The following ITPR2 variants were observed in gnomAD, a reference collection of about 807,000 sequenced individuals.
ITPR2 encodes inositol 1,4,5-trisphosphate receptor type 2.
A neutral mutation model predicts 317.1 loss-of-function variants in ITPR2; 207 were observed. That is an observed-to-expected ratio of 0.65 (90% CI 0.58 to 0.73). The LOEUF (loss-of-function observed/expected upper bound fraction) is 0.73. ITPR2 is among the 30% of genes least tolerant of loss of function. The pLI, the probability that ITPR2 is intolerant of heterozygous loss-of-function variation, is 0.00. For missense variants in ITPR2, 2,613 were observed against 3,284.0 expected (o/e 0.80, Z 4.99); for synonymous variants, 1,156 against 1,149.1 (o/e 1.01, Z -0.12).
Position 26,665,894 on chromosome 12 carries a change from A to T in ITPR2, c.1551+16T>A. On this transcript the variant is annotated intron_variant, in intron 14 of 56. Transcript: ENST00000381340. ...AGAAAATAAAATATACAAATTTAGT[A>T]CATGAAAAAATTCACCTGTGCCAGT... 1 of 1,600,454 alleles carries T rather than the reference A, an allele frequency of 6.2e-7. No homozygotes were observed. Among genetic ancestry groups the T allele is most frequent in the African/African-American group, 1.4e-5 (1 of 74,066 alleles).
At chr12:26,351,346 TTGA>T (rs1453691338) in intron 55 of ITPR2, among the ~76,000 whole-genome samples, 1 of 152,196 alleles carries the variant, frequency 6.6e-6, no homozygotes, top group African/African-American at 2.4e-5. Flanking sequence ...GGAGATGCAT[TTGA>T]TGATGAAATG....
chr12:26,360,912 G>A (rs1428184776), intron 55 of ITPR2, among the ~76,000 whole-genome samples: 1 of 151,554 alleles, frequency 6.6e-6, no homozygotes, highest in Non-Finnish European at 1.5e-5. Flanking sequence ...TACTTATTGA[G>A]AACTAACAAC....
intron 45 of ITPR2, 24 bp from the exon 46 acceptor site, chr12:26,443,674 T>C (rs1185334037): frequency 1.3e-6 from 2 of 1,587,284 alleles, no homozygotes; most frequent in Admixed American, 1.7e-5. Flanking sequence ...AAAATAAAGG[T>C]TTTAGGTCTT....
chr12:26,669,161 T>C (rs1034805842), intron 13 of ITPR2, among the ~76,000 whole-genome samples: 1 of 151,428 alleles, frequency 6.6e-6, no homozygotes, highest in African/African-American at 2.4e-5. Context: ...TAAATAAAAA[T>C]TTAACTGAAG....
chr12:26,611,127 C>T (rs536389597), intron 26 of ITPR2, among the ~76,000 whole-genome samples: 1 of 152,212 alleles, frequency 6.6e-6, no homozygotes, highest in Non-Finnish European at 1.5e-5. Context: ...CTTTCGAACA[C>T]TAGCCCATGG....
chr12:26,402,306 A>T (rs1418769477), intron 52 of ITPR2, among the ~76,000 whole-genome samples: 2 of 152,224 alleles, frequency 1.3e-5, no homozygotes, highest in Non-Finnish European at 2.9e-5. Flanking sequence ...CTTTGCCACA[A>T]CTGGACTTCC....
rs1484414632 is a variant in ITPR2, at chr12:26,550,227, A to G, written c.5073+20T>C. ...AAATCCTACTTTATTTTTAAATAAT[A>G]AAGTTTTTTAAAAAAATACCTCTTC... is the stretch of plus-strand genomic sequence containing the variant. On this transcript the variant is annotated intron_variant, in intron 37 of 56. Transcript: ENST00000381340. 2.0e-6 allele frequency: 2 copies of G among 1,019,116 alleles called. No homozygotes were observed. Among genetic ancestry groups the G allele is most frequent in the East Asian group, 5.1e-5 (2 of 38,948 alleles). The allele number at this position is 1,019,116 out of a possible 1,614,324, so 63.1% of individuals were successfully genotyped here. A position where few individuals can be genotyped will look rare whatever the true frequency, so the allele number is the denominator to read the frequency against.
At chr12:26,705,555 T>C (rs150254600) in intron 9 of ITPR2, among the ~76,000 whole-genome samples, 5 of 152,218 alleles carry the variant, frequency 3.3e-5, no homozygotes, top group Non-Finnish European at 5.9e-5. Context: ...AATCTAACAC[T>C]GGTCAATCCC....
At chr12:26,652,989 T>C (rs1038620870) in intron 21 of ITPR2, among the ~76,000 whole-genome samples, 1 of 152,234 alleles carries the variant, frequency 6.6e-6, no homozygotes, top group East Asian at 1.9e-4. Context: ...GAATATATTG[T>C]ATACATTCCC....
At chr12:26,822,101 C>G (rs1320792564) in intron 1 of ITPR2, among the ~76,000 whole-genome samples, 3 of 152,148 alleles carry the variant, frequency 2.0e-5, no homozygotes, top group Non-Finnish European at 2.9e-5. Context: ...AGCTAGAGAA[C>G]TAGACATTAC....
At chr12:26,801,939 G>C (rs1038102301) in intron 1 of ITPR2, among the ~76,000 whole-genome samples, 1 of 150,898 alleles carries the variant, frequency 6.6e-6, no homozygotes, top group African/African-American at 2.4e-5. Flanking sequence ...TCCAGCCATA[G>C]GCTATTTACA....
chr12:26,486,011 T>C, intron 41 of ITPR2, 93 bp downstream of exon 41: 4 of 1,350,292 alleles, frequency 3.0e-6, no homozygotes, highest in Non-Finnish European at 4.2e-6. Context: ...CTTTCTAAAA[T>C]GCTCTCCGAA....
chr12:26,715,599 G>A (rs1025566277), intron 7 of ITPR2, 153 bp downstream of exon 7: 4 of 824,988 alleles, frequency 4.8e-6, no homozygotes, highest in Admixed American at 5.7e-5. Flanking sequence ...AAAATGTGGG[G>A]GGGAAATTCA....
At chr12:26,383,004 G>C (rs1345191624) in intron 55 of ITPR2, among the ~76,000 whole-genome samples, 1 of 152,174 alleles carries the variant, frequency 6.6e-6, no homozygotes, top group African/African-American at 2.4e-5. Flanking sequence ...GGTGTTGGAG[G>C]TGGGGCTTAG....
intron 2 of ITPR2, among the ~76,000 whole-genome samples, chr12:26,772,446 TATATTATATATATAATAC>T (rs1949867102): frequency 1.0e-5 from 1 of 97,464 alleles, no homozygotes; most frequent in Non-Finnish European, 2.0e-5. Flanking sequence ...ATGTATTATA[TATATTATATATATAATAC>T]ATGTATTATA....
At position 26,721,148 on chromosome 12, in the gene ITPR2, A is replaced by C. The variant is rs75292265; in HGVS notation, c.525+1249T>G. 8.0e-3 allele frequency: 3,265 copies of C among 409,460 alleles called. 93 individuals are homozygous for C. The highest frequency in any genetic ancestry group is 0.062 in the African/African-American group (3,026 of 48,860). 25.4% of individuals were successfully genotyped at this position (409,460 alleles called of 1,614,324 possible). A position where few individuals can be genotyped will look rare whatever the true frequency, so the allele number is the denominator to read the frequency against. On this transcript the variant is annotated intron_variant, in intron 5 of 56. Coordinates refer to ENST00000381340, the MANE Select transcript of ITPR2 (RefSeq NM_002223.4). ...TGTAATGAACTATTTAATGAAACTA[A>C]AATGTGTATCATGCTCACAGCACAC... is the stretch of plus-strand genomic sequence containing the variant.
At chr12:26,638,980 C>G (rs1224635300) in intron 21 of ITPR2, among the ~76,000 whole-genome samples, 1 of 152,122 alleles carries the variant, frequency 6.6e-6, no homozygotes, top group African/African-American at 2.4e-5. Flanking sequence ...TCATTGTTAA[C>G]AAAACACTCA....
intron 34 of ITPR2, among the ~76,000 whole-genome samples, chr12:26,569,608 C>T (rs980613118): frequency 1.3e-5 from 2 of 149,164 alleles, no homozygotes; most frequent in African/African-American, 4.9e-5. Context: ...TACTTATAGG[C>T]AAAGAGATCA....
chr12:26,733,731 C>T (rs1401956252), intron 2 of ITPR2, among the ~76,000 whole-genome samples: 1 of 152,068 alleles, frequency 6.6e-6, no homozygotes, highest in Non-Finnish European at 1.5e-5. Flanking sequence ...GTTTGAATTT[C>T]AGCATTGATT....
Sources: gnomAD v4.1 joint callset for allele counts (sites outside exome capture counted in the v4.1 genomes callset) on GRCh38, gnomAD v4.1.1 for gene constraint, MANE v1.5 for transcripts, NCBI Gene and HGNC (gene_info 2026-07-23, HGNC 2026-07-21) for gene names.